EHMT1: variants seen among roughly 807,000 people sequenced by gnomAD.
EHMT1 encodes the protein histone-lysine N-methyltransferase EHMT1.
In EHMT1, 15 loss-of-function variants were observed where a neutral mutation model predicts 147.2. The observed-to-expected ratio is 0.10, with a 90% CI of 0.07 to 0.16. EHMT1 has a LOEUF of 0.16. Among genes scored for constraint, EHMT1 ranks in the 10% least tolerant of loss-of-function variants. The pLI is 1.00. For synonymous variants in EHMT1, 795 were observed against 709.6 expected, an observed-to-expected ratio of 1.12 and a Z score of -1.91; for missense variants, 1,587 against 1,772.4, an observed-to-expected ratio of 0.90 and a Z score of 1.88.
At chr9:137,697,679 T>C (rs1456889173) in intron 1 of EHMT1, among the ~76,000 whole-genome samples, 1 of 152,208 alleles carries the variant, frequency 6.6e-6, no homozygotes, top group Non-Finnish European at 1.5e-5. Flanking sequence ...ATTTCCAAAG[T>C]AGTTTTTATT....
At chr9:137,665,401 C>T (rs892231508) in intron 1 of EHMT1, among the ~76,000 whole-genome samples, 4 of 152,162 alleles carry the variant, frequency 2.6e-5, no homozygotes, top group African/African-American at 9.7e-5. Context: ...CAGGTGCGTC[C>T]TGGAGCTACT....
intron 4 of EHMT1, among the ~76,000 whole-genome samples, chr9:137,739,915 A>G (rs142725186): frequency 1.9e-3 from 285 of 152,282 alleles, no homozygotes; most frequent in South Asian, 6.0e-3. Flanking sequence ...ACAGTTCTAC[A>G]GGTGCTGCTG....
chr9:137,698,050 C>T (rs1317199071), intron 1 of EHMT1, among the ~76,000 whole-genome samples: 3 of 151,962 alleles, frequency 2.0e-5, no homozygotes, highest in East Asian at 1.9e-4. Flanking sequence ...GTGAGGGCAG[C>T]GTGTGAGGGC....
At position 137,823,442 on chromosome 9, in the gene EHMT1, G is replaced by T. The variant is rs185265897; in HGVS notation, c.3540+5304G>T. The T allele has an allele frequency of 4.8e-5, 17 of 351,168 alleles. No homozygotes were observed. In the East Asian group the frequency reaches 1.9e-3, roughly 39 times the overall value. 21.8% of individuals were successfully genotyped at this position (351,168 alleles called of 1,614,324 possible). A position where few individuals can be genotyped will look rare whatever the true frequency, so the allele number is the denominator to read the frequency against. On this transcript the variant is annotated intron_variant, in intron 25 of 26. Transcript: ENST00000460843. ...TTTTTTTTTTTTTGAAACGGAGTCT[G>T]GCTCTGTCACCCAGGCTGGAGTGCA...
chr9:137,811,947 C>T (rs925937960), intron 19 of EHMT1, among the ~76,000 whole-genome samples: 12 of 152,322 alleles, frequency 7.9e-5, no homozygotes, highest in Middle Eastern at 3.4e-3. Flanking sequence ...TCAGAGTCCC[C>T]GAGAGGCTCA....
intron 3 of EHMT1, among the ~76,000 whole-genome samples, chr9:137,725,161 G>A (rs1351197593): frequency 6.6e-6 from 1 of 150,450 alleles, no homozygotes; most frequent in Non-Finnish European, 1.5e-5. Context: ...CAGGCGTGTG[G>A]CATTCGTGTG....
chr9:137,688,561 G>A (rs1296037242), intron 1 of EHMT1, among the ~76,000 whole-genome samples: 1 of 152,126 alleles, frequency 6.6e-6, no homozygotes, highest in Admixed American at 6.6e-5. Flanking sequence ...AAGCATATCT[G>A]CTTTATTGTG....
chr9:137,646,989 T>A (rs1844936897), intron 1 of EHMT1, among the ~76,000 whole-genome samples: 1 of 152,112 alleles, frequency 6.6e-6, no homozygotes, highest in African/African-American at 2.4e-5. Context: ...ATTGGTTAGT[T>A]CTCAGCCTTC....
At chr9:137,743,689 T>A (rs1021872397) in intron 5 of EHMT1, among the ~76,000 whole-genome samples, 161 bp downstream of exon 5, 1 of 152,112 alleles carries the variant, frequency 6.6e-6, no homozygotes, top group Non-Finnish European at 1.5e-5. Context: ...CCAAGATCAT[T>A]GTGGGGGACT....
At chr9:137,803,120 G>T in intron 18 of EHMT1, 2 of 1,229,288 alleles carry the variant, frequency 1.6e-6, no homozygotes, top group Non-Finnish European at 2.0e-6. Flanking sequence ...CCAGGTGTCA[G>T]AGCTGTTAGC....
chr9:137,697,089 CG>C (rs1329617410), intron 1 of EHMT1: 2 of 389,164 alleles, frequency 5.1e-6, no homozygotes, highest in African/African-American at 4.2e-5. Flanking sequence ...GAGACCAGCC[CG>C]GCCAATGTGG....
intron 1 of EHMT1, among the ~76,000 whole-genome samples, chr9:137,629,217 C>G (rs1281637664): frequency 6.6e-6 from 1 of 151,604 alleles, no homozygotes; most frequent in African/African-American, 2.4e-5. Context: ...CTCAGCCTCC[C>G]GAGTAGCTGG....
intron 6 of EHMT1, among the ~76,000 whole-genome samples, chr9:137,749,383 C>T (rs566696623): frequency 6.6e-6 from 1 of 152,244 alleles, no homozygotes; most frequent in African/African-American, 2.4e-5. Flanking sequence ...GTGATCCTCC[C>T]ACCTCAGCCT....
intron 16 of EHMT1, among the ~76,000 whole-genome samples, chr9:137,794,241 TA>T (rs1952735716): frequency 6.6e-6 from 1 of 152,232 alleles, no homozygotes; most frequent in Non-Finnish European, 1.5e-5. Context: ...ATATTTATCT[TA>T]TTTTCAATTT....
chr9:137,810,483 T>C (rs1003748433), intron 18 of EHMT1, among the ~76,000 whole-genome samples: 1 of 152,262 alleles, frequency 6.6e-6, no homozygotes, highest in Non-Finnish European at 1.5e-5. Flanking sequence ...ATTTATATTC[T>C]TGGCTGCCTG....
At chr9:137,729,316 C>T (rs866550444) in intron 4 of EHMT1, among the ~76,000 whole-genome samples, 7 of 152,146 alleles carry the variant, frequency 4.6e-5, no homozygotes, top group Non-Finnish European at 7.4e-5. Flanking sequence ...TGGCCAGGCA[C>T]GGTGGCTCAC....
At chr9:137,653,530 C>CA (rs1554826744) in intron 1 of EHMT1, among the ~76,000 whole-genome samples, 3 of 149,778 alleles carry the variant, frequency 2.0e-5, no homozygotes, top group African/African-American at 4.9e-5. Flanking sequence ...TTTTCTCTTT[C>CA]TTTTTTTTTT....
At chr9:137,626,487 C>T (rs1011493954) in intron 1 of EHMT1, among the ~76,000 whole-genome samples, 14 of 148,356 alleles carry the variant, frequency 9.4e-5, no homozygotes, top group African/African-American at 3.3e-4. Context: ...CACACCACTG[C>T]ACTCCAGCCT....
intron 1 of EHMT1, among the ~76,000 whole-genome samples, chr9:137,627,666 G>A (rs972300846): frequency 2.0e-5 from 3 of 151,926 alleles, no homozygotes; most frequent in African/African-American, 7.3e-5. Context: ...TTTCTTGAAG[G>A]ATCCCTCAAT....
Sources: gnomAD v4.1 joint callset for allele counts (sites outside exome capture counted in the v4.1 genomes callset) on GRCh38, gnomAD v4.1.1 for gene constraint, MANE v1.5 for transcripts, NCBI Gene and HGNC (gene_info 2026-07-23, HGNC 2026-07-21) for gene names.